OVOL2: variants seen among roughly 807,000 people sequenced by gnomAD.
OVOL2 encodes the protein ovo like zinc finger 2, also known as transcription factor Ovo-like 2.
OVOL2 carries 13 observed loss-of-function variants against 18.1 expected under a neutral mutation model. That is an observed-to-expected ratio of 0.72 (90% confidence interval 0.47 to 1.14). The LOEUF is 1.14. OVOL2 is among the 50% of genes most tolerant of loss of function. The probability of loss-of-function intolerance (pLI) is 0.00; values close to 1 mark genes in which losing one functional copy is unlikely to be tolerated. For synonymous variants in OVOL2, 166 were observed against 162.7 expected (o/e 1.02, Z -0.16); for missense variants, 335 against 383.0 (o/e 0.87, Z 1.05).
intron 2 of OVOL2, among the ~76,000 whole-genome samples, chr20:18,052,032 G>A (rs974836288): frequency 3.3e-5 from 5 of 152,132 alleles, no homozygotes; most frequent in South Asian, 2.1e-4. Context: ...GAGCTATGGC[G>A]CCTGGTCTAA....
chr20:18,050,212 A>G (rs1398355403), intron 2 of OVOL2, among the ~76,000 whole-genome samples: 3 of 152,172 alleles, frequency 2.0e-5, no homozygotes, highest in African/African-American at 7.2e-5. Context: ...CTCCCTTGCC[A>G]TGAGGATTTG....
intron 2 of OVOL2, among the ~76,000 whole-genome samples, chr20:18,052,849 T>A (rs1286251219): frequency 6.6e-6 from 1 of 152,158 alleles, no homozygotes; most frequent in African/African-American, 2.4e-5. Context: ...TCAGCCAACT[T>A]CAGAGTTACT....
intron 3 of OVOL2, among the ~76,000 whole-genome samples, chr20:18,026,629 C>CAT: frequency 6.6e-6 from 1 of 152,286 alleles, no homozygotes; most frequent in East Asian, 1.9e-4. Flanking sequence ...GATCTGCCCC[C>CAT]CTCGGCCTCC....
intron 3 of OVOL2, among the ~76,000 whole-genome samples, chr20:18,036,457 G>A (rs965312835): frequency 6.6e-6 from 1 of 152,128 alleles, no homozygotes; most frequent in African/African-American, 2.4e-5. Context: ...GGACCAGCCA[G>A]CACACCTCTA....
At chr20:18,038,165 G>A (rs2036635674) in intron 3 of OVOL2, among the ~76,000 whole-genome samples, 1 of 152,198 alleles carries the variant, frequency 6.6e-6, no homozygotes, top group Admixed American at 6.5e-5. Flanking sequence ...AGATGTCTGA[G>A]TTATTCCTCC....
chr20:18,037,668 C>T (rs1463789162), intron 3 of OVOL2, among the ~76,000 whole-genome samples: 1 of 152,222 alleles, frequency 6.6e-6, no homozygotes, highest in Non-Finnish European at 1.5e-5. Flanking sequence ...GTAGGGAGAA[C>T]TGCCCAGGAG....
chr20:18,032,839 C>T lies in OVOL2; in HGVS notation c.512-7887G>A, dbSNP rs188077466. Among the ~76,000 whole-genome samples, 81 of 152,242 alleles carry T rather than the reference C, an allele frequency of 5.3e-4. No homozygotes were observed. In the East Asian group the frequency reaches 0.011, roughly 21 times the overall value. On this transcript the variant is annotated intron_variant, in intron 3 of 3. Coordinates refer to ENST00000278780, the MANE Select transcript of OVOL2 (RefSeq NM_021220.4). ...ATATATTATGTGAAAAAGCAATATA[C>T]ATTAAAAACTTTTGGGAAAAAAATT...
In OVOL2 at chr20:18,056,926, G is replaced by A. The variant is rs1427601598; in HGVS notation, c.101-49C>T. 112 of 1,435,088 alleles carry A rather than the reference G, an allele frequency of 7.8e-5. No homozygotes were observed. The highest frequency in any genetic ancestry group is 9.8e-5 in the Non-Finnish European group (108 of 1,103,024). The allele number at this position is 1,435,088 out of a possible 1,614,324, so 88.9% of individuals were successfully genotyped here. On this transcript the variant is annotated intron_variant, in intron 1 of 3. Coordinates refer to ENST00000278780, the MANE Select transcript of OVOL2 (RefSeq NM_021220.4). This position sits in a 1 kb window ranked among gnomAD's most constrained non-coding sequence, Gnocchi z 4.2. Reference sequence around the variant, plus strand: ...CGACACACACACTCGGCGTCAACCCGCACGCCCGCGGCAGTTTGACCTGCG... The same window carrying A: ...CGACACACACACTCGGCGTCAACCCACACGCCCGCGGCAGTTTGACCTGCG...
chr20:18,049,559 C>CCCG (rs11482551), intron 2 of OVOL2, among the ~76,000 whole-genome samples: 1 of 150,366 alleles, frequency 6.7e-6, no homozygotes, highest in Non-Finnish European at 1.5e-5. Context: ...ATTCCCCCCC[C>CCCG]GATCCTATGT....
At position 18,041,758 on chromosome 20, in the gene OVOL2, C is replaced by T. The variant is rs1462997889; in HGVS notation, c.322-35G>A. Reference sequence around the variant, plus strand: ...GAGAGAGGCCATGAGGGTCCCCGGGCAGGCAGGCACATCCAGTAGGCTCAC... The same window carrying T: ...GAGAGAGGCCATGAGGGTCCCCGGGTAGGCAGGCACATCCAGTAGGCTCAC... On this transcript the variant is annotated intron_variant, in intron 2 of 3. Transcript: ENST00000278780. 3 of 1,586,072 alleles carry T rather than the reference C, an allele frequency of 1.9e-6. No homozygotes were observed. The East Asian group carries it at 6.8e-5, about 36-fold the overall frequency.
In OVOL2 at chr20:18,033,257, C is replaced by G. The variant is rs575543172; in HGVS notation, c.511+8277G>C. Among the ~76,000 whole-genome samples, 3 of 152,218 alleles carry G rather than the reference C, an allele frequency of 2.0e-5. No individual in the cohort carries two copies. In the South Asian group the frequency reaches 6.2e-4, roughly 32 times the overall value. ...CCCGATGGAAGATAAGGACAGAAGG[C>G]GCCCTAGAGGGTGGGGCCGGTGCCC... On this transcript the variant is annotated intron_variant, in intron 3 of 3. Transcript: ENST00000278780.
At chr20:18,036,064 C>T (rs967832022) in intron 3 of OVOL2, among the ~76,000 whole-genome samples, 1 of 152,060 alleles carries the variant, frequency 6.6e-6, no homozygotes, top group African/African-American at 2.4e-5. Context: ...GAGGCTGAGG[C>T]GGGCAGATCA....
intron 2 of OVOL2, among the ~76,000 whole-genome samples, chr20:18,051,796 A>G (rs2036773564): frequency 6.6e-6 from 1 of 152,154 alleles, no homozygotes; most frequent in African/African-American, 2.4e-5. Flanking sequence ...GCAGTGGTGC[A>G]ATCTTGGCTC....
intron 2 of OVOL2, among the ~76,000 whole-genome samples, chr20:18,051,909 T>C (rs933523023): frequency 6.6e-6 from 1 of 152,158 alleles, no homozygotes; most frequent in African/African-American, 2.4e-5. Context: ...ATTTTTTTTG[T>C]ATTTTTTTTT....
intron 3 of OVOL2, among the ~76,000 whole-genome samples, chr20:18,032,365 G>T (rs79099398): frequency 3.9e-5 from 5 of 126,636 alleles, no homozygotes; most frequent in Non-Finnish European, 6.0e-5. Context: ...AAAGAAAAAA[G>T]AAGGAAGGGA....
chr20:18,053,701 CAAAAA>C (rs3078037), intron 2 of OVOL2, among the ~76,000 whole-genome samples: 4 of 106,994 alleles, frequency 3.7e-5, no homozygotes, highest in Admixed American at 1.0e-4. Flanking sequence ...GACTCTGTCT[CAAAAA>C]AAAAAAAAAA....
rs144397235 is a variant in OVOL2, at chr20:18,024,780, G to T, written c.684C>A (p.Asp228Glu). The T allele has an allele frequency of 7.5e-4, 1,210 of 1,614,164 alleles. 4 individuals are homozygous for T. Among genetic ancestry groups the T allele is most frequent in the Middle Eastern group, 7.3e-3 (44 of 6,062 alleles). Reference protein sequence around the residue: ...DCGYTGPTQEDLYLHVNSAHP... With the variant: ...DCGYTGPTQEELYLHVNSAHP... ...GGGCACTGTTCACGTGCAGGTACAGGTCCTCCTGGGTGGGGCCCGTGTAGC... is the reference window on the plus strand; with the variant it reads ...GGGCACTGTTCACGTGCAGGTACAGTTCCTCCTGGGTGGGGCCCGTGTAGC... The change falls in exon 4 of 4, where the codon GAC becomes GAA. Residue 228 changes from aspartate (D) to glutamate (E), a missense_variant. Coordinates refer to ENST00000278780, the MANE Select transcript of OVOL2 (RefSeq NM_021220.4).
chr20:18,035,904 G>C (rs983543991), intron 3 of OVOL2, among the ~76,000 whole-genome samples: 3 of 152,200 alleles, frequency 2.0e-5, no homozygotes, highest in Non-Finnish European at 4.4e-5. Context: ...CCTCAAACAG[G>C]TAGGAAGAAA....
In OVOL2 at chr20:18,057,773, C is replaced by A. The variant is rs2036845043; in HGVS notation, c.-139G>T. On this transcript the variant is annotated 5_prime_UTR_variant, in exon 1 of 4. Transcript: ENST00000278780. The surrounding 1 kb of genome is among the most constrained non-coding windows in gnomAD (Gnocchi z 6.3). ...GCCTGCCCTCTTCCTCCACCCCCCG[C>A]CGCGGCGCGGCCCAGGCCTCTCCCC... 10 of 1,407,640 alleles carry A rather than the reference C, an allele frequency of 7.1e-6. No homozygotes were observed. In the East Asian group the frequency reaches 2.8e-4, roughly 40 times the overall value. The allele number at this position is 1,407,640 out of a possible 1,614,324, so 87.2% of individuals were successfully genotyped here.
Sources: allele counts gnomAD v4.1 joint callset (sites outside exome capture counted in the v4.1 genomes callset), GRCh38; gene constraint gnomAD v4.1.1; non-coding constraint Gnocchi (gnomAD v3.1); transcripts MANE v1.5; gene names NCBI Gene and HGNC (gene_info 2026-07-23, HGNC 2026-07-21).